The following RAB6A variants were observed in gnomAD, a reference collection of about 807,000 sequenced individuals.
RAB6A encodes the protein ras-related protein Rab-6A.
In RAB6A, 8 loss-of-function variants were observed where a neutral mutation model predicts 32.3. The ratio of observed to expected loss-of-function variants is 0.25; its 90% CI spans 0.15 to 0.45. The LOEUF is 0.45. RAB6A is among the 20% of genes least tolerant of loss of function. RAB6A has a pLI of 1.00. For missense variants in RAB6A, 104 were observed against 249.4 expected, an observed-to-expected ratio of 0.42 and a Z score of 3.93; for synonymous variants, 73 against 82.1, an observed-to-expected ratio of 0.89 and a Z score of 0.60.
intron 2 of RAB6A, among the ~76,000 whole-genome samples, chr11:73,727,731 G>T (rs1450542633): frequency 6.6e-6 from 1 of 151,928 alleles, no homozygotes; most frequent in Admixed American, 6.6e-5. Flanking sequence ...CATACTAAGA[G>T]GATTTAGATT....
At chr11:73,716,437 A>G (rs1946054240) in intron 4 of RAB6A, 75 bp from the exon 5 acceptor site, 1 of 1,063,180 alleles carries the variant, frequency 9.4e-7, no homozygotes, top group Non-Finnish European at 1.4e-6. Flanking sequence ...CCTCCCTCCA[A>G]AAAAGCCCTG....
At chr11:73,689,009 G>C (rs1777639969) in intron 6 of RAB6A, among the ~76,000 whole-genome samples, 1 of 152,186 alleles carries the variant, frequency 6.6e-6, no homozygotes, top group East Asian at 1.9e-4. Context: ...TGTAGTCCAA[G>C]CTATTCAGGA....
chr11:73,677,596 G>A lies in RAB6A; in HGVS notation c.*302C>T. ...CTGTTGAGATTTCCATCATTTTGAAGTACATTATCATAACATTAAAAAAGA... is the reference window on the plus strand; with the variant it reads ...CTGTTGAGATTTCCATCATTTTGAAATACATTATCATAACATTAAAAAAGA... On this transcript the variant is annotated 3_prime_UTR_variant, in exon 8 of 8. Coordinates refer to ENST00000336083, the MANE Select transcript of RAB6A (RefSeq NM_198896.2). The A allele has an allele frequency of 1.6e-6, 1 of 635,850 alleles. No individual in the cohort carries two copies. The highest frequency in any genetic ancestry group is 2.4e-5 in the South Asian group (1 of 41,490). The allele number at this position is 635,850 out of a possible 1,614,324, so 39.4% of individuals were successfully genotyped here. A position where few individuals can be genotyped will look rare whatever the true frequency, so the allele number is the denominator to read the frequency against.
chr11:73,704,180 A>G, intron 6 of RAB6A: 1 of 431,794 alleles, frequency 2.3e-6, no homozygotes, highest in South Asian at 1.7e-5. Flanking sequence ...CTAGGAGTTC[A>G]AGACTAGCCT....
At chr11:73,743,356 C>T (rs1429503849) in intron 1 of RAB6A, among the ~76,000 whole-genome samples, 1 of 151,616 alleles carries the variant, frequency 6.6e-6, no homozygotes, top group African/African-American at 2.4e-5. Context: ...CAGTGTCCAA[C>T]CTCCATACTA....
At chr11:73,703,482 C>T (rs1486327498) in intron 6 of RAB6A, among the ~76,000 whole-genome samples, 2 of 152,220 alleles carry the variant, frequency 1.3e-5, no homozygotes, top group African/African-American at 4.8e-5. Context: ...TGGCTCACGC[C>T]TGTAATCTCA....
chr11:73,726,581 CAAAAAAAAAA>C (rs60281561), intron 2 of RAB6A, among the ~76,000 whole-genome samples: 4 of 29,864 alleles, frequency 1.3e-4, no homozygotes, highest in South Asian at 3.0e-3. Flanking sequence ...GACTCTGTCT[CAAAAAAAAAA>C]AAAAAAAAAA....
chr11:73,714,073 T>C (rs1041308256), intron 5 of RAB6A, among the ~76,000 whole-genome samples: 1 of 151,090 alleles, frequency 6.6e-6, no homozygotes, highest in Non-Finnish European at 1.5e-5. Context: ...GCTCTTGTAA[T>C]TCCAGCTACT....
At chr11:73,692,700 C>T (rs11235859) in intron 6 of RAB6A, among the ~76,000 whole-genome samples, 15,625 of 149,668 alleles carry the variant, frequency 0.1, 894 homozygotes, top group South Asian at 0.27. Flanking sequence ...CCTATAATCC[C>T]AGCACTTTGG....
chr11:73,743,288 G>C (rs1946529246), intron 1 of RAB6A, among the ~76,000 whole-genome samples: 1 of 138,372 alleles, frequency 7.2e-6, no homozygotes, highest in African/African-American at 2.7e-5. Context: ...CTGATCAACA[G>C]AGCGAAACTC....
chr11:73,704,168 G>T, intron 6 of RAB6A: 1 of 423,326 alleles, frequency 2.4e-6, no homozygotes, highest in East Asian at 7.5e-5. Context: ...GATCACCTGA[G>T]TCTAGGAGTT....
rs141993509 is a variant in RAB6A at position 73,709,163 on chromosome 11, T to G, written c.402-1650A>C. ...ATAACCACAGTACAATTATTAAATCTGGGAATTAACATCAACATCATACCA... is the reference window on the plus strand; with the variant it reads ...ATAACCACAGTACAATTATTAAATCGGGGAATTAACATCAACATCATACCA... On this transcript the variant is annotated intron_variant, in intron 5 of 7. Transcript: ENST00000336083. Among the ~76,000 whole-genome samples the G allele has an allele frequency of 6.0e-3, 919 of 152,228 alleles. 11 individuals are homozygous for G. The highest frequency in any genetic ancestry group is 0.021 in the African/African-American group (879 of 41,568).
intron 5 of RAB6A, among the ~76,000 whole-genome samples, chr11:73,709,924 C>T (rs12360680): frequency 7.2e-6 from 1 of 139,010 alleles, no homozygotes. Flanking sequence ...TATATATACA[C>T]ATATATATAC....
At chr11:73,731,672 G>C (rs1355400782) in intron 1 of RAB6A, among the ~76,000 whole-genome samples, 1 of 133,338 alleles carries the variant, frequency 7.5e-6, no homozygotes, top group African/African-American at 2.9e-5. Flanking sequence ...TTGTGAGATA[G>C]ATAGATAGAT....
intron 1 of RAB6A, among the ~76,000 whole-genome samples, chr11:73,754,575 T>C (rs1414002518): frequency 6.6e-6 from 1 of 152,214 alleles, no homozygotes; most frequent in Non-Finnish European, 1.5e-5. Context: ...ACAATGTCAC[T>C]CTCACTAAAT....
In RAB6A at chr11:73,707,447, A is replaced by T; in HGVS notation, c.468T>A (p.Ser156Arg). 6.2e-7 allele frequency: 1 copy of T among 1,613,490 alleles called. No individual in the cohort carries two copies. The highest frequency in any genetic ancestry group is 8.5e-7 in the Non-Finnish European group (1 of 1,179,510). ...GCTTTACATTGTATCCAGCTTTTGC[A>T]CTAGTTTCAATAAACATAACATTCA... is the stretch of plus-strand genomic sequence containing the variant. ...KELNVMFIET[S>R]AKAGYNVKQL... The change falls in exon 6 of 8, where the codon AGT becomes AGA. Residue 156 changes from serine to arginine, a missense_variant. Coordinates refer to ENST00000336083, the MANE Select transcript of RAB6A (RefSeq NM_198896.2).
chr11:73,760,074 G>C (rs1324010999), intron 1 of RAB6A: 1 of 1,290,006 alleles, frequency 7.8e-7, no homozygotes, highest in Non-Finnish European at 1.0e-6. Flanking sequence ...ACTTCGCAGG[G>C]CCAAGCCTCT....
intron 5 of RAB6A, among the ~76,000 whole-genome samples, chr11:73,711,530 C>T (rs1945957788): frequency 1.3e-5 from 2 of 152,152 alleles, no homozygotes; most frequent in Admixed American, 6.5e-5. Context: ...GCGTTGTTTA[C>T]AGTCTTTAGA....
intron 1 of RAB6A, among the ~76,000 whole-genome samples, chr11:73,752,150 A>G (rs940002352): frequency 3.3e-5 from 5 of 152,202 alleles, no homozygotes; most frequent in African/African-American, 1.2e-4. Context: ...AAAGGTAAAA[A>G]TTGGGAATTA....
Sources: allele counts gnomAD v4.1 joint callset (sites outside exome capture counted in the v4.1 genomes callset), GRCh38; gene constraint gnomAD v4.1.1; transcripts MANE v1.5; gene names NCBI Gene and HGNC (gene_info 2026-07-23, HGNC 2026-07-21).